HSPD1: variants seen among roughly 807,000 people sequenced by gnomAD.
HSPD1 encodes the protein heat shock protein family D (Hsp60) member 1.
Under a neutral mutation model 53.0 loss-of-function variants are expected in HSPD1, and 3 were observed. The ratio of observed to expected loss-of-function variants is 0.06; its 90% CI spans 0.03 to 0.15. HSPD1 has a LOEUF of 0.15. HSPD1 is among the 10% of genes least tolerant of loss of function. The pLI is 1.00. For synonymous variants in HSPD1, 200 were observed against 228.0 expected (o/e 0.88, Z 1.10); for missense variants, 431 against 694.1 (o/e 0.62, Z 4.26).
rs944251028 is a variant in HSPD1 at position 197,486,855 on chromosome 2, G to C, written c.*191C>G. On this transcript the variant is annotated 3_prime_UTR_variant, in exon 12 of 12. Coordinates refer to ENST00000388968, the MANE Select transcript of HSPD1 (RefSeq NM_002156.5). ...AAAATACAAAATAAATTATCTGTAG[G>C]CATGGACAATGACAGCAGTAAACCA... 8.4e-6 allele frequency: 5 copies of C among 591,862 alleles called. No individual in the cohort carries two copies. The East Asian group carries it at 1.4e-4, about 17-fold the overall frequency. 36.7% of individuals were successfully genotyped at this position (591,862 alleles called of 1,614,324 possible). A position where few individuals can be genotyped will look rare whatever the true frequency, so the allele number is the denominator to read the frequency against.
intron 7 of HSPD1, among the ~76,000 whole-genome samples, chr2:197,492,153 AAAAT>A (rs2086101238): frequency 6.6e-6 from 1 of 151,996 alleles, no homozygotes; most frequent in Admixed American, 6.6e-5. Context: ...TCTGTCTCTC[AAAAT>A]AAATAAAAAT....
intron 8 of HSPD1, among the ~76,000 whole-genome samples, chr2:197,489,730 C>G (rs1308864856): frequency 2.0e-5 from 3 of 152,068 alleles, no homozygotes; most frequent in Non-Finnish European, 4.4e-5. Context: ...GGTACTGCAC[C>G]TGTAGTCCCA....
At chr2:197,488,117 G>A in intron 10 of HSPD1, 81 bp from the exon 11 acceptor site, 3 of 1,141,114 alleles carry the variant, frequency 2.6e-6, no homozygotes, top group Non-Finnish European at 3.9e-6. Context: ...GGATATTGAT[G>A]TAGGGAAATC....
At chr2:197,498,296 A>C (rs866389666) in intron 2 of HSPD1, among the ~76,000 whole-genome samples, 4 of 152,238 alleles carry the variant, frequency 2.6e-5, no homozygotes, top group African/African-American at 7.2e-5. Context: ...AGCATCTACA[A>C]GCACATACCT....
At chr2:197,496,192 CT>C (rs1559303287) in intron 3 of HSPD1, among the ~76,000 whole-genome samples, 3 of 152,144 alleles carry the variant, frequency 2.0e-5, no homozygotes. Context: ...TTACATCAGT[CT>C]TAATAGTCCC....
In HSPD1 at chr2:197,488,340, G is replaced by A; in HGVS notation, c.1367C>T (p.Pro456Leu). 6.2e-7 allele frequency: 1 copy of A among 1,613,878 alleles called. No homozygotes were observed. Among genetic ancestry groups the A allele is most frequent in the East Asian group, 2.2e-5 (1 of 44,886 alleles). Residue 456 changes from proline (P) to leucine (L), a missense_variant, in exon 10 of 12, where the codon CCA (proline) becomes CTA (leucine). By Grantham distance (98) the Pro-to-Leu change is moderately conservative. Transcript: ENST00000388968. ...ACCAATTTTTTGATCTTCATTAGCTGGAGTCAATGAGTCCAAGGCTGGAAT... is the reference window on the plus strand; with the variant it reads ...ACCAATTTTTTGATCTTCATTAGCTAGAGTCAATGAGTCCAAGGCTGGAAT... ...RCIPALDSLT[P>L]ANEDQKIGIE...
At chr2:197,496,337 C>T (rs1176418042) in intron 3 of HSPD1, among the ~76,000 whole-genome samples, 3 of 152,128 alleles carry the variant, frequency 2.0e-5, no homozygotes, top group Non-Finnish European at 4.4e-5. Flanking sequence ...AGTAAAACTG[C>T]TTTTAGTGAA....
At chr2:197,487,244 G>A (rs553206228) in intron 11 of HSPD1, 46 bp from the exon 12 acceptor site, 1 of 1,552,750 alleles carries the variant, frequency 6.4e-7, no homozygotes, top group Admixed American at 1.7e-5. Context: ...TAAAATATGA[G>A]CAAGACTTAT....
At chr2:197,495,437 G>T in intron 3 of HSPD1, 61 bp from the exon 4 acceptor site, 1 of 1,121,242 alleles carries the variant, frequency 8.9e-7, no homozygotes, top group Non-Finnish European at 1.4e-6. Context: ...ATGTCAAGTA[G>T]AAATCTTGAG....
chr2:197,494,398 CA>C (rs1318675797), intron 5 of HSPD1, 148 bp from the exon 6 acceptor site: 5 of 646,902 alleles, frequency 7.7e-6, no homozygotes, highest in African/African-American at 1.8e-5. Flanking sequence ...TACACTTCTG[CA>C]AAAAATCCCA....
At chr2:197,495,503 TGAGACAGGG>T in intron 3 of HSPD1, 127 bp from the exon 4 acceptor site, 1 of 662,294 alleles carries the variant, frequency 1.5e-6, no homozygotes, top group Non-Finnish European at 2.7e-6. Context: ...TTTTTTTTTT[TGAGACAGGG>T]TCTTGTTCTG....
rs1301002114 is a variant in HSPD1, at chr2:197,493,346, G to C, written c.847C>G (p.Leu283Val). 1 of 1,613,166 alleles carries C rather than the reference G, an allele frequency of 6.2e-7. No individual in the cohort carries two copies. The highest frequency in any genetic ancestry group is 8.5e-7 in the Non-Finnish European group (1 of 1,179,678). The change falls in exon 7 of 12, where the codon CTA (leucine) becomes GTA (valine). Residue 283 changes from leucine to valine, a missense_variant. Transcript: ENST00000388968. Reference protein sequence around the residue: ...IIAEDVDGEALSTLVLNRLKV... With the variant: ...IIAEDVDGEAVSTLVLNRLKV... ...TACCTATTCAAGACGAGTGTACTTA[G>C]AGCTTCTCCATCAACATCTTCAGCG...
chr2:197,487,447 T>C (rs2086040095), intron 11 of HSPD1, among the ~76,000 whole-genome samples: 1 of 152,144 alleles, frequency 6.6e-6, no homozygotes, highest in South Asian at 2.1e-4. Flanking sequence ...CTCAGGAGCC[T>C]GAGGCAGGAG....
In HSPD1 at chr2:197,491,404, C is replaced by T. The variant is rs148272418; in HGVS notation, c.870-1108G>A. On this transcript the variant is annotated intron_variant, in intron 7 of 11. Coordinates refer to ENST00000388968, the MANE Select transcript of HSPD1 (RefSeq NM_002156.5). ...CTCCATCTCCTGACCTCATGATCCA[C>T]CCGCCTCGGCTTCCCAAACTGCTGG... Among the ~76,000 whole-genome samples, 274 of 152,210 alleles carry T rather than the reference C, an allele frequency of 1.8e-3. 1 individual carries two copies. The highest frequency in any genetic ancestry group is 6.3e-3 in the African/African-American group (260 of 41,538).
At chr2:197,490,873 C>G (rs1041412762) in intron 7 of HSPD1, among the ~76,000 whole-genome samples, 4 of 152,178 alleles carry the variant, frequency 2.6e-5, no homozygotes, top group Non-Finnish European at 4.4e-5. Flanking sequence ...TTTGAATGAG[C>G]AATGTTCTGA....
intron 3 of HSPD1, among the ~76,000 whole-genome samples, chr2:197,495,804 T>A (rs2086149951): frequency 6.6e-6 from 1 of 152,206 alleles, no homozygotes; most frequent in African/African-American, 2.4e-5. Context: ...AGACAGTGCT[T>A]CTTAATAACA....
At chr2:197,494,816 TA>T in intron 4 of HSPD1, 64 bp from the exon 5 acceptor site, 1 of 1,040,160 alleles carries the variant, frequency 9.6e-7, no homozygotes. Flanking sequence ...TCAGTTCCCT[TA>T]CCTTTTCCTA....
At chr2:197,488,096 A>G (rs1356754289) in intron 10 of HSPD1, 60 bp from the exon 11 acceptor site, 14 of 1,262,348 alleles carry the variant, frequency 1.1e-5, no homozygotes, top group African/African-American at 4.5e-5. Context: ...TAACACATTT[A>G]TAAGTTGTGA....
At chr2:197,490,713 C>G (rs2106073004) in intron 7 of HSPD1, 1 of 239,102 alleles carries the variant, frequency 4.2e-6, no homozygotes, top group South Asian at 5.5e-5. Context: ...ACCTGTAATC[C>G]CCACTACTCA....
Sources: allele counts gnomAD v4.1 joint callset (sites outside exome capture counted in the v4.1 genomes callset), GRCh38; gene constraint gnomAD v4.1.1; transcripts MANE v1.5; gene names NCBI Gene and HGNC (gene_info 2026-07-23, HGNC 2026-07-21).